The following HMSD variants were observed in gnomAD, a reference collection of about 807,000 sequenced individuals.
The protein encoded by HMSD is serpin-like protein HMSD.
Under a neutral mutation model 10.0 loss-of-function variants are expected in HMSD, and 13 were observed. That is an observed-to-expected ratio of 1.31 (90% CI 0.85 to 2.08). The LOEUF (loss-of-function observed/expected upper bound fraction) is 2.08, where lower values mean the gene tolerates loss of function less well. Ranked by LOEUF, HMSD falls within the 30% of genes most tolerant of loss-of-function variation. HMSD has a pLI of 0.00. For missense variants in HMSD, 169 were observed against 166.3 expected (o/e 1.02, Z -0.09); for synonymous variants, 51 against 54.2 (o/e 0.94, Z 0.26).
chr18:63,966,213 A>G (rs910322026), downstream of HMSD, among the ~76,000 whole-genome samples: 1 of 152,180 alleles, frequency 6.6e-6, no homozygotes, highest in African/African-American at 2.4e-5. Flanking sequence ...TATGTTTTGG[A>G]TTGTCCAGAC....
intron 3 of HMSD, among the ~76,000 whole-genome samples, chr18:63,959,503 G>A (rs1248908625): frequency 5.3e-5 from 8 of 152,274 alleles, no homozygotes; most frequent in Admixed American, 3.3e-4. Context: ...GAGAGCAGAC[G>A]TTGCATGATT....
chr18:63,966,461 T>C (rs1406304142), downstream of HMSD: 7 of 152,184 alleles, frequency 4.6e-5, no homozygotes, highest in Non-Finnish European at 7.4e-5. Flanking sequence ...CCTGATAGGA[T>C]AGGTACACCG....
At chr18:63,963,089 CTTTCT>C (rs2050394497), downstream of HMSD, among the ~76,000 whole-genome samples, 1 of 120,962 alleles carries the variant, frequency 8.3e-6, no homozygotes, top group African/African-American at 3.9e-5. Context: ...TTCTTTCTTT[CTTTCT>C]TTCTTTCTTT....
At chr18:63,960,087 A>G (rs1599111996) in intron 3 of HMSD, 71 bp from the exon 4 acceptor site, 1 of 1,365,770 alleles carries the variant, frequency 7.3e-7, no homozygotes, top group South Asian at 1.3e-5. Flanking sequence ...CTGATGTGGC[A>G]CAATGAAGAA....
At chr18:63,964,673 C>T (rs1230992086), downstream of HMSD, among the ~76,000 whole-genome samples, 1 of 152,188 alleles carries the variant, frequency 6.6e-6, no homozygotes, top group African/African-American at 2.4e-5. Context: ...TCCTGGTTTG[C>T]AGAAGGCCAC....
intron 3 of HMSD, among the ~76,000 whole-genome samples, chr18:63,958,860 T>A (rs909486644): frequency 3.3e-5 from 5 of 152,148 alleles, no homozygotes; most frequent in African/African-American, 1.2e-4. Context: ...ATGTAATTTA[T>A]GGAACAACAG....
intron 3 of HMSD, among the ~76,000 whole-genome samples, chr18:63,956,365 A>C (rs1454079783): frequency 3.3e-5 from 5 of 151,394 alleles, no homozygotes; most frequent in Admixed American, 1.3e-4. Context: ...AAAAAAAACA[A>C]ACTTAAATTT....
At chr18:63,966,336 T>C (rs762319976), downstream of HMSD, 8 of 152,226 alleles carry the variant, frequency 5.3e-5, no homozygotes, top group Non-Finnish European at 1.2e-4. Flanking sequence ...CCTGTAAAAT[T>C]GATTCATTAA....
At position 63,953,357 on chromosome 18, in the gene HMSD, C is replaced by T. The variant is rs1353222707; in HGVS notation, c.-99C>T. 5 of 806,280 alleles carry T rather than the reference C, an allele frequency of 6.2e-6. No individual in the cohort carries two copies. The highest frequency in any genetic ancestry group is 2.1e-5 in the Admixed American group (1 of 48,598). 49.9% of individuals were successfully genotyped at this position (806,280 alleles called of 1,614,324 possible). ...GTTTAAAAATCCATTGTTTCAGGCT[C>T]ACCGTCATGGATGCTCTATCAGAAG... is the stretch of plus-strand genomic sequence containing the variant. On this transcript the variant is annotated 5_prime_UTR_variant, in exon 2 of 4. Coordinates refer to ENST00000408945, the MANE Select transcript of HMSD (RefSeq NM_001123366.2).
downstream of HMSD, among the ~76,000 whole-genome samples, chr18:63,963,089 CTT>C (rs879387269): frequency 4.1e-4 from 50 of 121,012 alleles, no homozygotes; most frequent in African/African-American, 1.6e-3. Context: ...TTCTTTCTTT[CTT>C]TCTTTCTTTC....
intron 3 of HMSD, among the ~76,000 whole-genome samples, chr18:63,955,557 G>A (rs9952485): frequency 0.42 from 64,520 of 151,976 alleles, 17,122 homozygotes; most frequent in African/African-American, 0.75. Flanking sequence ...TTTACATTCT[G>A]CAGGGGGTAT....
In HMSD at chr18:63,960,347, CA is replaced by C; in HGVS notation, c.415del (p.Ile139TyrfsTer9). 1 of 1,577,166 alleles carries C rather than the reference CA, an allele frequency of 6.3e-7. No individual in the cohort carries two copies. Among genetic ancestry groups the C allele is most frequent in the Non-Finnish European group, 8.6e-7 (1 of 1,163,290 alleles). ...SFIVSSLQNC[Q>X]I ...TATAGTCAGTTCTTTACAAAACTGT[CA>C]AATATAAAAAGGAGTCCTTTTTTCT... On this transcript the variant is annotated frameshift_variant, in exon 4 of 4. Coordinates refer to ENST00000408945, the MANE Select transcript of HMSD (RefSeq NM_001123366.2). LOFTEE classifies it high-confidence loss of function.
At chr18:63,965,957 T>A (rs1434481006), downstream of HMSD, among the ~76,000 whole-genome samples, 1 of 152,128 alleles carries the variant, frequency 6.6e-6, no homozygotes, top group Non-Finnish European at 1.5e-5. Context: ...TGCAGGCACA[T>A]GCGAAGAGGG....
chr18:63,949,722 C>A (rs775329541), intron 1 of HMSD, among the ~76,000 whole-genome samples: 26 of 152,130 alleles, frequency 1.7e-4, no homozygotes, highest in Non-Finnish European at 3.4e-4. Context: ...GAAGTAGGTA[C>A]AATGAGGCCT....
At chr18:63,951,810 G>T (rs1482600943) in intron 1 of HMSD, among the ~76,000 whole-genome samples, 1 of 152,044 alleles carries the variant, frequency 6.6e-6, no homozygotes, top group African/African-American at 2.4e-5. Flanking sequence ...AAATTGTGGG[G>T]TTAAAAATAG....
At chr18:63,958,589 A>T (rs767604553) in intron 3 of HMSD, among the ~76,000 whole-genome samples, 5 of 152,172 alleles carry the variant, frequency 3.3e-5, no homozygotes, top group Non-Finnish European at 7.4e-5. Context: ...AATTCTACAG[A>T]ATATATTAAC....
chr18:63,952,483 T>C (rs2050336372), intron 1 of HMSD, among the ~76,000 whole-genome samples: 1 of 152,206 alleles, frequency 6.6e-6, no homozygotes, highest in South Asian at 2.1e-4. Context: ...CCCTGTAGTC[T>C]TTTTATCTAT....
At chr18:63,950,454 T>C (rs1403831728) in intron 1 of HMSD, among the ~76,000 whole-genome samples, 1 of 136,220 alleles carries the variant, frequency 7.3e-6, no homozygotes, top group Non-Finnish European at 1.5e-5. Context: ...GTAAGATGAG[T>C]TTAAAGGAGG....
At chr18:63,956,201 C>T (rs555299018) in intron 3 of HMSD, among the ~76,000 whole-genome samples, 1 of 152,100 alleles carries the variant, frequency 6.6e-6, no homozygotes, top group Non-Finnish European at 1.5e-5. Flanking sequence ...GCAATTGCAA[C>T]GGAAACAAAA....
Sources: allele counts gnomAD v4.1 joint callset (sites outside exome capture counted in the v4.1 genomes callset), GRCh38; gene constraint gnomAD v4.1.1; transcripts MANE v1.5; gene names NCBI Gene and HGNC (gene_info 2026-07-23, HGNC 2026-07-21).